Variants in PHF21A observed in about 807,000 individuals in gnomAD.
The protein encoded by PHF21A is PHD finger protein 21A.
PHF21A carries 11 observed loss-of-function variants against 82.5 expected under a neutral mutation model. The observed-to-expected ratio is 0.13, with a 90% CI of 0.08 to 0.22. The LOEUF is 0.22. PHF21A is among the 10% of genes least tolerant of loss of function. The pLI is 1.00. For missense variants in PHF21A, 579 were observed against 837.8 expected (o/e 0.69, Z 3.81); for synonymous variants, 297 against 302.8 (o/e 0.98, Z 0.20).
chr11:45,962,113 A>G (rs2135829489), intron 10 of PHF21A, among the ~76,000 whole-genome samples: 1 of 152,314 alleles, frequency 6.6e-6, no homozygotes. Flanking sequence ...CTCCAAACAC[A>G]CTAGAAACTG....
At chr11:46,056,602 G>A (rs151220439) in intron 6 of PHF21A, among the ~76,000 whole-genome samples, 83 of 152,138 alleles carry the variant, frequency 5.5e-4, no homozygotes, top group Middle Eastern at 3.4e-3. Flanking sequence ...ATCTAAACTC[G>A]TTCAAGATAG....
At chr11:45,971,625 C>A (rs566844256) in intron 7 of PHF21A, among the ~76,000 whole-genome samples, 1 of 152,218 alleles carries the variant, frequency 6.6e-6, no homozygotes, top group East Asian at 1.9e-4. Context: ...TAACTGCAGA[C>A]TAATTCAGGC....
chr11:45,979,612 C>T (rs1565375269), intron 7 of PHF21A, 148 bp downstream of exon 7: 1 of 1,058,360 alleles, frequency 9.4e-7, no homozygotes, highest in East Asian at 2.4e-5. Context: ...TGATACTTAT[C>T]TGGGTTATAC....
chr11:45,953,475 G>C (rs2092361376), intron 11 of PHF21A, 52 bp downstream of exon 11: 1 of 1,123,022 alleles, frequency 8.9e-7, no homozygotes, highest in Non-Finnish European at 1.4e-6. Context: ...TGGTACATGA[G>C]AATAAACCAT....
At chr11:45,972,477 AT>A (rs1288174847) in intron 7 of PHF21A, among the ~76,000 whole-genome samples, 3 of 152,196 alleles carry the variant, frequency 2.0e-5, no homozygotes, top group African/African-American at 7.2e-5. Flanking sequence ...ACAAGTTGCT[AT>A]TTAAAAGGAA....
chr11:45,946,997 G>GTT (rs1363093646), intron 14 of PHF21A, among the ~76,000 whole-genome samples: 2 of 152,182 alleles, frequency 1.3e-5, no homozygotes, highest in Admixed American at 6.5e-5. Flanking sequence ...ACCCTCCCCA[G>GTT]TTGACTGGCA....
chr11:46,035,388 G>A (rs558005240), intron 6 of PHF21A, among the ~76,000 whole-genome samples: 14 of 152,152 alleles, frequency 9.2e-5, no homozygotes, highest in South Asian at 8.3e-4. Context: ...GCATCATACC[G>A]TTCACTGACT....
At chr11:46,048,454 G>A (rs1415573708) in intron 6 of PHF21A, among the ~76,000 whole-genome samples, 2 of 152,064 alleles carry the variant, frequency 1.3e-5, no homozygotes, top group Non-Finnish European at 1.5e-5. Flanking sequence ...CATGAATAAT[G>A]CTATGAACAT....
At chr11:46,018,243 C>G (rs2095557160) in intron 6 of PHF21A, among the ~76,000 whole-genome samples, 1 of 144,472 alleles carries the variant, frequency 6.9e-6, no homozygotes, top group African/African-American at 2.7e-5. Flanking sequence ...GAGCGAGACT[C>G]CGTCTCAAAA....
chr11:46,036,324 A>G (rs1243123326), intron 6 of PHF21A, among the ~76,000 whole-genome samples: 1 of 152,222 alleles, frequency 6.6e-6, no homozygotes. Flanking sequence ...AGATGCCAGT[A>G]CGACACTGAA....
intron 15 of PHF21A, among the ~76,000 whole-genome samples, chr11:45,944,887 C>T (rs914399967): frequency 6.6e-6 from 1 of 152,222 alleles, no homozygotes; most frequent in Non-Finnish European, 1.5e-5. Context: ...CTGCCTCAGC[C>T]TCCAGAGTAA....
intron 3 of PHF21A, among the ~76,000 whole-genome samples, chr11:46,086,366 G>A (rs976259367): frequency 3.9e-5 from 6 of 152,066 alleles, no homozygotes; most frequent in African/African-American, 1.2e-4. Context: ...TGATCCGCCC[G>A]TCCTGGCCTC....
intron 6 of PHF21A, among the ~76,000 whole-genome samples, chr11:45,998,935 C>A: frequency 6.6e-6 from 1 of 151,912 alleles, no homozygotes; most frequent in Non-Finnish European, 1.5e-5. Context: ...CAATTCTCCT[C>A]CCTCAGCCTC....
intron 1 of PHF21A, among the ~76,000 whole-genome samples, chr11:46,120,033 G>A (rs535741318): frequency 7.4e-5 from 11 of 148,564 alleles, no homozygotes; most frequent in Admixed American, 6.0e-4. Context: ...GAGGGGTGCA[G>A]GCAGACTCTC....
At chr11:46,021,056 T>C (rs1376758379) in intron 6 of PHF21A, among the ~76,000 whole-genome samples, 1 of 148,816 alleles carries the variant, frequency 6.7e-6, no homozygotes, top group East Asian at 1.9e-4. Flanking sequence ...ATTAGATAGA[T>C]TCTTTAAAAA....
At chr11:46,008,006 G>T (rs2095334901) in intron 6 of PHF21A, among the ~76,000 whole-genome samples, 1 of 152,180 alleles carries the variant, frequency 6.6e-6, no homozygotes. Context: ...GATAAGAACA[G>T]AAGGGTACTA....
chr11:46,100,380 G>A (rs772532230), intron 1 of PHF21A, among the ~76,000 whole-genome samples: 2 of 152,072 alleles, frequency 1.3e-5, no homozygotes, highest in African/African-American at 4.8e-5. Flanking sequence ...AATAACGTTA[G>A]CTATTTGCTA....
At chr11:45,992,470 G>A (rs1485175867) in intron 6 of PHF21A, among the ~76,000 whole-genome samples, 2 of 152,288 alleles carry the variant, frequency 1.3e-5, no homozygotes, top group Admixed American at 1.3e-4. Flanking sequence ...AACCCAGGAG[G>A]CAGAGCTTGC....
intron 1 of PHF21A, 105 bp downstream of exon 1, chr11:46,120,830 G>A (rs1025931218): frequency 6.6e-6 from 1 of 152,460 alleles, no homozygotes; most frequent in African/African-American, 2.4e-5. Flanking sequence ...AGAGAGGAGA[G>A]AGGCAGAGGG....
Sources: allele counts gnomAD v4.1 joint callset (sites outside exome capture counted in the v4.1 genomes callset), GRCh38; gene constraint gnomAD v4.1.1; transcripts MANE v1.5; gene names NCBI Gene and HGNC (gene_info 2026-07-23, HGNC 2026-07-21).